Variants in DNAAF11 observed in about 807,000 individuals in gnomAD.
DNAAF11 encodes the protein leucine rich repeat containing 6.
In DNAAF11, 45 loss-of-function variants were observed where a neutral mutation model predicts 60.8. The observed-to-expected ratio is 0.74, with a 90% confidence interval of 0.58 to 0.95. The LOEUF is 0.95. Among genes scored for constraint, DNAAF11 ranks in the 40% least tolerant of loss-of-function variants. DNAAF11 has a pLI of 0.00. For synonymous variants in DNAAF11, 191 were observed against 183.5 expected (o/e 1.04, Z -0.33); for missense variants, 546 against 546.2 (o/e 1.00, Z 0.00).
At chr8:132,607,324 A>T (rs953730543) in intron 10 of DNAAF11, among the ~76,000 whole-genome samples, 1 of 152,208 alleles carries the variant, frequency 6.6e-6, no homozygotes, top group Non-Finnish European at 1.5e-5. Flanking sequence ...TATACTAGGG[A>T]CCGTGATATT....
At chr8:132,681,003 C>T in the DNAAF11 span, among the ~76,000 whole-genome samples, 3 of 52,336 alleles carry the variant, frequency 5.7e-5, no homozygotes, top group Non-Finnish European at 6.1e-5. Flanking sequence ...ATAACTATTC[C>T]TTTTTTTTTT....
the DNAAF11 span, among the ~76,000 whole-genome samples, chr8:132,701,353 G>A: frequency 1.3e-5 from 2 of 152,176 alleles, no homozygotes; most frequent in Non-Finnish European, 2.9e-5. Context: ...TGACCACAGA[G>A]GAAATGATCT....
At chr8:132,622,867 C>G (rs1225064546) in intron 6 of DNAAF11, 179 bp from the exon 7 acceptor site, 3 of 551,752 alleles carry the variant, frequency 5.4e-6, no homozygotes, top group Non-Finnish European at 9.6e-6. Context: ...ATGCTGGGAA[C>G]TGACAATCAA....
At chr8:132,577,574 A>G (rs1303643349) in intron 11 of DNAAF11, among the ~76,000 whole-genome samples, 2 of 152,256 alleles carry the variant, frequency 1.3e-5, no homozygotes, top group Non-Finnish European at 2.9e-5. Flanking sequence ...TTATAATTAT[A>G]GTTATCATTT....
chr8:132,655,539 A>G (rs1454736912), intron 3 of DNAAF11, among the ~76,000 whole-genome samples: 1 of 152,178 alleles, frequency 6.6e-6, no homozygotes, highest in Non-Finnish European at 1.5e-5. Context: ...ACAAATTGGA[A>G]GAATATATCT....
chr8:132,683,929 TTAGGGAACACCTG>T, the DNAAF11 span, among the ~76,000 whole-genome samples: 1 of 152,156 alleles, frequency 6.6e-6, no homozygotes, highest in Non-Finnish European at 1.5e-5. Context: ...AGTCTTCTCT[TTAGGGAACACCTG>T]TAGACAGAAA....
chr8:132,620,295 C>G (rs1380759414), intron 7 of DNAAF11, among the ~76,000 whole-genome samples: 1 of 152,122 alleles, frequency 6.6e-6, no homozygotes, highest in African/African-American at 2.4e-5. Flanking sequence ...GAGAAAAAAA[C>G]AAGAAAGCTG....
intron 10 of DNAAF11, among the ~76,000 whole-genome samples, chr8:132,586,424 T>C (rs1249160946): frequency 1.3e-5 from 2 of 152,172 alleles, no homozygotes. Context: ...TTTGAATTTG[T>C]TTATTTAGCA....
intron 1 of DNAAF11, chr8:132,675,224 T>C: frequency 2.3e-6 from 1 of 429,204 alleles, no homozygotes. Flanking sequence ...AGTGCCTTTC[T>C]GCCTCTTCCT....
rs1395708842 is a variant in DNAAF11, at chr8:132,625,364, T to C, written c.744A>G (p.Glu248=). ...TAAACAAACAGGGCTTATTCCAGAATTCCAAGTCATCTTCACTGTTGTCTA... is the reference window on the plus strand; with the variant it reads ...TAAACAAACAGGGCTTATTCCAGAACTCCAAGTCATCTTCACTGTTGTCTA... ...KKLDNSEDDL[E]FWNKPCLFTP... Residue 248 remains glutamate (E), a synonymous_variant, in exon 6 of 12, where the codon GAA becomes GAG. Transcript: ENST00000620350. 6.2e-7 allele frequency: 1 copy of C among 1,613,566 alleles called. No individual in the cohort carries two copies. The highest frequency in any genetic ancestry group is 2.2e-5 in the East Asian group (1 of 44,870).
intron 11 of DNAAF11, 124 bp downstream of exon 11, chr8:132,583,570 T>C: frequency 2.7e-6 from 2 of 740,468 alleles, no homozygotes; most frequent in South Asian, 1.7e-5. Context: ...AACATTAACA[T>C]TCATGGTATG....
At position 132,632,749 on chromosome 8, in the gene DNAAF11, T is replaced by C. The variant is rs143717300; in HGVS notation, c.644A>G (p.Asn215Ser). 3.5e-4 allele frequency: 567 copies of C among 1,608,812 alleles called. 1 individual carries two copies. The highest frequency in any genetic ancestry group is 4.6e-4 in the Non-Finnish European group (540 of 1,175,364). The change falls in exon 5 of 12, where the codon AAT (asparagine) becomes AGT (serine). Residue 215 changes from asparagine to serine, a missense_variant. Physicochemically the swap from Asn to Ser is conservative, Grantham distance 46. Transcript: ENST00000620350. ...GFDGRWYTDI[N>S]ATLSSLESKD... ...CTAATAATTTACATACAGAGTAGCA[T>C]TGATGTCTGTGTACCAACGTCCATC... is the stretch of plus-strand genomic sequence containing the variant.
At chr8:132,578,627 A>C in intron 11 of DNAAF11, 1 of 643,766 alleles carries the variant, frequency 1.6e-6, no homozygotes, top group Non-Finnish European at 2.6e-6. Context: ...TCCTTTTATC[A>C]AAAAACATAA....
chr8:132,583,608 A>T, intron 11 of DNAAF11, 86 bp downstream of exon 11: 1 of 991,834 alleles, frequency 1.0e-6, no homozygotes. Flanking sequence ...AAATAATTGT[A>T]CAATTTTGGA....
intron 3 of DNAAF11, among the ~76,000 whole-genome samples, chr8:132,650,555 T>C (rs1383587752): frequency 6.6e-6 from 1 of 152,132 alleles, no homozygotes; most frequent in Non-Finnish European, 1.5e-5. Context: ...ATTAATAAAC[T>C]TGACAATGCA....
intron 11 of DNAAF11, among the ~76,000 whole-genome samples, chr8:132,575,977 G>T (rs926732376): frequency 2.6e-5 from 4 of 152,170 alleles, no homozygotes; most frequent in African/African-American, 9.7e-5. Context: ...GCAAGTGCCG[G>T]TGCCACGACT....
the DNAAF11 span, among the ~76,000 whole-genome samples, chr8:132,695,012 T>A: frequency 6.6e-6 from 1 of 152,138 alleles, no homozygotes; most frequent in Non-Finnish European, 1.5e-5. Context: ...GAGGGAGTCA[T>A]TACTTCAAAT....
At chr8:132,600,173 T>A (rs962120360) in intron 10 of DNAAF11, among the ~76,000 whole-genome samples, 1 of 152,156 alleles carries the variant, frequency 6.6e-6, no homozygotes, top group Non-Finnish European at 1.5e-5. Context: ...CCATTCACAA[T>A]TGCTTCAAAG....
intron 8 of DNAAF11, among the ~76,000 whole-genome samples, chr8:132,612,788 G>A (rs1483291773): frequency 6.6e-6 from 1 of 152,148 alleles, no homozygotes; most frequent in Non-Finnish European, 1.5e-5. Context: ...AGACACCTAT[G>A]TGCCCATAAA....
Sources: gnomAD v4.1 joint callset for allele counts (sites outside exome capture counted in the v4.1 genomes callset) on GRCh38, gnomAD v4.1.1 for gene constraint, MANE v1.5 for transcripts, NCBI Gene and HGNC (gene_info 2026-07-23, HGNC 2026-07-21) for gene names.